The following AQP7 variants were observed in gnomAD, a reference collection of about 807,000 sequenced individuals.
AQP7 encodes the protein aquaporin-7.
In AQP7, 22 loss-of-function variants were observed where a neutral mutation model predicts 26.1. The ratio of observed to expected loss-of-function variants is 0.84; its 90% confidence interval spans 0.60 to 1.20. The LOEUF (loss-of-function observed/expected upper bound fraction) is 1.20. Ranked by LOEUF, AQP7 falls within the 50% of genes most tolerant of loss-of-function variation. The pLI is 0.00. For synonymous variants in AQP7, 167 were observed against 181.7 expected, an observed-to-expected ratio of 0.92 and a Z score of 0.65; for missense variants, 412 against 457.5, an observed-to-expected ratio of 0.90 and a Z score of 0.91.
At chr9:33,401,021 T>C (rs1826233071) in intron 2 of AQP7, 2 of 588,604 alleles carry the variant, frequency 3.4e-6, no homozygotes, top group East Asian at 5.7e-5. Context: ...CATCCAAGTA[T>C]TTCTGAGCCT....
At chr9:33,386,334 A>T (rs1451693565) in intron 5 of AQP7, 70 bp downstream of exon 5, 1 of 1,599,160 alleles carries the variant, frequency 6.3e-7, no homozygotes, top group Admixed American at 1.7e-5. Flanking sequence ...CAGGACACTG[A>T]GGTCCAATCT....
rs2381001 is a variant in AQP7 at position 33,395,068 on chromosome 9, A to G, written c.144+10T>C. ...GAGCCCCACCCACTTCGTGCTGCCC[A>G]CCCACTCACCATCATGACATATGTG... On this transcript the variant is annotated intron_variant, in intron 3 of 7. Transcript: ENST00000297988. 6.3e-7 allele frequency: 1 copy of G among 1,584,790 alleles called. No homozygotes were observed. The highest frequency in any genetic ancestry group is 8.7e-7 in the Non-Finnish European group (1 of 1,155,994).
chr9:33,392,090 G>C (rs1825461313), intron 3 of AQP7, among the ~76,000 whole-genome samples: 1 of 152,258 alleles, frequency 6.6e-6, no homozygotes, highest in African/African-American at 2.4e-5. Flanking sequence ...GAGGTGGGAG[G>C]ATCACTTGAA....
intron 3 of AQP7, among the ~76,000 whole-genome samples, chr9:33,390,592 C>A (rs1825297780): frequency 6.6e-6 from 1 of 152,002 alleles, no homozygotes; most frequent in Admixed American, 6.6e-5. Context: ...CTCAGAAGCC[C>A]CAGGACAGAA....
intron 3 of AQP7, among the ~76,000 whole-genome samples, chr9:33,390,238 TAAAGGACAGAGAA>T (rs1253903368): frequency 1.3e-5 from 2 of 151,558 alleles, no homozygotes; most frequent in African/African-American, 4.9e-5. Flanking sequence ...AGGCTGAAGA[TAAAGGACAGAGAA>T]AAAGGACAGA....
At chr9:33,396,292 G>A (rs369190627) in intron 2 of AQP7, among the ~76,000 whole-genome samples, 2 of 152,230 alleles carry the variant, frequency 1.3e-5, no homozygotes, top group East Asian at 1.9e-4. Context: ...TACAAAATTA[G>A]CCAGGCATGA....
intron 2 of AQP7, among the ~76,000 whole-genome samples, chr9:33,396,265 C>T (rs1248188106): frequency 2.6e-5 from 4 of 152,042 alleles, no homozygotes; most frequent in Admixed American, 2.0e-4. Context: ...TAGAGAAACC[C>T]CATCTCTACT....
At chr9:33,387,753 G>GC (rs1322693684) in intron 3 of AQP7, among the ~76,000 whole-genome samples, 2 of 151,986 alleles carry the variant, frequency 1.3e-5, no homozygotes, top group East Asian at 3.9e-4. Flanking sequence ...GTTCCCTTCA[G>GC]CCCTGGCTCC....
At chr9:33,401,370 A>T in intron 1 of AQP7, 83 bp from the exon 2 acceptor site, 2 of 1,208,550 alleles carry the variant, frequency 1.7e-6, no homozygotes, top group South Asian at 2.6e-5. Context: ...TCCCCAGGGG[A>T]GAAGCCCTGG....
At chr9:33,399,727 A>T (rs1225783808) in intron 2 of AQP7, among the ~76,000 whole-genome samples, 1 of 152,002 alleles carries the variant, frequency 6.6e-6, no homozygotes, top group African/African-American at 2.4e-5. Context: ...TGGCAACAAC[A>T]CCAGAGAGAA....
chr9:33,388,618 G>A (rs961958246), intron 3 of AQP7, among the ~76,000 whole-genome samples: 1 of 152,190 alleles, frequency 6.6e-6, no homozygotes, highest in Non-Finnish European at 1.5e-5. Context: ...ATGCCAGCGA[G>A]TTATACTGAT....
Position 33,386,176 on chromosome 9 carries a change from C to A in AQP7, c.426G>T (p.Ser142=). 6.2e-7 allele frequency: 1 copy of A among 1,613,950 alleles called. No individual in the cohort carries two copies. Among genetic ancestry groups the A allele is most frequent in the Non-Finnish European group, 8.5e-7 (1 of 1,179,868 alleles). Reference sequence around the variant, plus strand: ...GACCGGTCACCATCAGCTGTCCACCCGAAAAGTGGAGAATGGCCGCTGCGG... The same window carrying A: ...GACCGGTCACCATCAGCTGTCCACCAGAAAAGTGGAGAATGGCCGCTGCGG... ...SLFYTAILHF[S]GGQLMVTGPV... Residue 142 remains serine (S), a synonymous_variant, in exon 6 of 8, where the codon TCG becomes TCT. Coordinates refer to ENST00000297988, the MANE Select transcript of AQP7 (RefSeq NM_001170.3).
rs1322003615 is a variant in AQP7 at position 33,386,190 on chromosome 9, T to G, written c.412A>C (p.Ile138Leu). ...AGCTGTCCACCCGAAAAGTGGAGAA[T>G]GGCCGCTGCGGAGACACAGACTGTC... ...ATIYSLFYTA[I>L]LHFSGGQLMV... Residue 138 changes from isoleucine (I) to leucine (L), a missense_variant, in exon 6 of 8, where the codon ATT (isoleucine) becomes CTT (leucine). Physicochemically the swap from Ile to Leu is conservative, Grantham distance 5. Coordinates refer to ENST00000297988, the MANE Select transcript of AQP7 (RefSeq NM_001170.3). 1 of 1,613,852 alleles carries G rather than the reference T, an allele frequency of 6.2e-7. No individual in the cohort carries two copies.
At position 33,383,266 on chromosome 9, in the gene AQP7, TAAG is replaced by T. The variant is rs1187829207; in HGVS notation, c.*1736_*1738del. On this transcript the variant is annotated 3_prime_UTR_variant, in exon 8 of 8. Coordinates refer to ENST00000297988, the MANE Select transcript of AQP7 (RefSeq NM_001170.3). ...AATATTCTTATCGCCATTTTACAAATAAGAAGACCAAGGCCCAGAAGGGTTGAA... is the reference window on the plus strand; with the variant it reads ...AATATTCTTATCGCCATTTTACAAATAAGACCAAGGCCCAGAAGGGTTGAA... The T allele has an allele frequency of 6.6e-6, 1 of 152,200 alleles. No individual in the cohort carries two copies. The highest frequency in any genetic ancestry group is 2.4e-5 in the African/African-American group (1 of 41,430). 9.4% of individuals were successfully genotyped at this position (152,200 alleles called of 1,614,324 possible).
Position 33,383,613 on chromosome 9 carries a change from CT to C in AQP7, c.*1391del, listed in dbSNP as rs1824515649. The C allele has an allele frequency of 6.6e-6, 1 of 150,818 alleles. No individual in the cohort carries two copies. The highest frequency in any genetic ancestry group is 1.5e-5 in the Non-Finnish European group (1 of 68,332). The allele number at this position is 150,818 out of a possible 1,614,324, so 9.3% of individuals were successfully genotyped here. On this transcript the variant is annotated 3_prime_UTR_variant, in exon 8 of 8. Coordinates refer to ENST00000297988, the MANE Select transcript of AQP7 (RefSeq NM_001170.3). ...CCCATTGTTAGGTGCCCGGCTGCTG[CT>C]CCTGGGTCATCACTTTCGCAGGCCC...
intron 2 of AQP7, chr9:33,401,020 A>G: frequency 1.7e-6 from 1 of 584,128 alleles, no homozygotes; most frequent in Non-Finnish European, 3.1e-6. Flanking sequence ...TCATCCAAGT[A>G]TTTCTGAGCC....
chr9:33,388,605 T>A (rs1173898760), intron 3 of AQP7, among the ~76,000 whole-genome samples: 1 of 152,222 alleles, frequency 6.6e-6, no homozygotes, highest in African/African-American at 2.4e-5. Flanking sequence ...GAGCACTGCC[T>A]ACATGCCAGC....
At chr9:33,390,191 G>A (rs577898913) in intron 3 of AQP7, among the ~76,000 whole-genome samples, 24 of 152,240 alleles carry the variant, frequency 1.6e-4, no homozygotes, top group African/African-American at 5.5e-4. Context: ...GTTTTCAGTG[G>A]AGAAACTTCA....
At chr9:33,393,495 C>G (rs370053629) in intron 3 of AQP7, among the ~76,000 whole-genome samples, 3 of 152,340 alleles carry the variant, frequency 2.0e-5, no homozygotes, top group East Asian at 1.9e-4. Flanking sequence ...ACACAAACAG[C>G]CTCTCTCACC....
Sources: allele counts gnomAD v4.1 joint callset (sites outside exome capture counted in the v4.1 genomes callset), GRCh38; gene constraint gnomAD v4.1.1; transcripts MANE v1.5; gene names NCBI Gene and HGNC (gene_info 2026-07-23, HGNC 2026-07-21).